Variants in NSD1 observed in about 807,000 individuals in gnomAD.
The protein encoded by NSD1 is histone-lysine N-methyltransferase, H3 lysine-36 specific.
Under a neutral mutation model 242.7 loss-of-function variants are expected in NSD1, and 26 were observed. That is an observed-to-expected ratio of 0.11 (90% CI 0.08 to 0.15). The LOEUF (loss-of-function observed/expected upper bound fraction) is 0.15, where lower values mean the gene tolerates loss of function less well. Among genes scored for constraint, NSD1 ranks in the 10% least tolerant of loss-of-function variants. The pLI is 1.00. For synonymous variants in NSD1, 1,106 were observed against 1,178.1 expected (o/e 0.94, Z 1.25); for missense variants, 2,495 against 3,272.8 (o/e 0.76, Z 5.80).
intron 8 of NSD1, among the ~76,000 whole-genome samples, chr5:177,240,146 G>T (rs1426893523): frequency 6.6e-6 from 1 of 152,048 alleles, no homozygotes; most frequent in Non-Finnish European, 1.5e-5. Flanking sequence ...TCTTTTCTGG[G>T]TTCAAATCCT....
chr5:177,276,317 T>C (rs1310418974), intron 17 of NSD1, among the ~76,000 whole-genome samples: 1 of 151,694 alleles, frequency 6.6e-6, no homozygotes, highest in African/African-American at 2.4e-5. Context: ...ACACTGCTTC[T>C]GAAGTCTTTT....
At chr5:177,286,435 G>A (rs1393007812) in intron 20 of NSD1, among the ~76,000 whole-genome samples, 1 of 152,112 alleles carries the variant, frequency 6.6e-6, no homozygotes, top group Non-Finnish European at 1.5e-5. Flanking sequence ...TTTGGAATGG[G>A]TGGTTTCAGA....
At chr5:177,243,140 CTAAT>C (rs1766014021) in intron 8 of NSD1, among the ~76,000 whole-genome samples, 1 of 152,172 alleles carries the variant, frequency 6.6e-6, no homozygotes, top group South Asian at 2.1e-4. Context: ...TCTGTCAAAT[CTAAT>C]AGCTGTGAAT....
chr5:177,258,016 T>G (rs1450714246), intron 13 of NSD1, among the ~76,000 whole-genome samples: 1 of 144,108 alleles, frequency 6.9e-6, no homozygotes, highest in Non-Finnish European at 1.5e-5. Context: ...GTTTCGCTTT[T>G]GTTGCCTGGG....
chr5:177,184,129 T>G (rs1248702855), intron 2 of NSD1, among the ~76,000 whole-genome samples: 2 of 152,238 alleles, frequency 1.3e-5, no homozygotes, highest in Non-Finnish European at 2.9e-5. Context: ...AATACTGATT[T>G]CCTTTTCTGT....
intron 5 of NSD1, among the ~76,000 whole-genome samples, chr5:177,226,219 G>A (rs1187919488): frequency 6.6e-6 from 1 of 152,148 alleles, no homozygotes; most frequent in Non-Finnish European, 1.5e-5. Flanking sequence ...GTTAATTTTT[G>A]TATTTTTGGT....
At chr5:177,235,444 G>A (rs1765369775) in intron 5 of NSD1, among the ~76,000 whole-genome samples, 1 of 152,120 alleles carries the variant, frequency 6.6e-6, no homozygotes, top group Non-Finnish European at 1.5e-5. Context: ...TACTTAGCCT[G>A]TAACTCAAGA....
intron 2 of NSD1, among the ~76,000 whole-genome samples, chr5:177,168,450 CTTTT>C (rs916381661): frequency 7.7e-6 from 1 of 130,230 alleles, no homozygotes. Flanking sequence ...TTGTTCATTG[CTTTT>C]TTTTTTTTTT....
rs1285434549 is a variant in NSD1 at position 177,299,172 on chromosome 5, TACAC to T, written c.*3721_*3724del. On this transcript the variant is annotated 3_prime_UTR_variant, in exon 23 of 23. Coordinates refer to ENST00000439151, the MANE Select transcript of NSD1 (RefSeq NM_022455.5). ...GAAATAAGAATAGATCATTGTTTTG[TACAC>T]ACACACAATAAAATGTAATGATGGT... is the stretch of plus-strand genomic sequence containing the variant. 1.3e-5 allele frequency: 3 copies of T among 233,136 alleles called. No homozygotes were observed. The highest frequency in any genetic ancestry group is 2.5e-5 in the Non-Finnish European group (3 of 118,048). The allele number at this position is 233,136 out of a possible 1,614,324, so 14.4% of individuals were successfully genotyped here.
chr5:177,167,066 T>G (rs1759266154), intron 2 of NSD1, among the ~76,000 whole-genome samples: 1 of 152,018 alleles, frequency 6.6e-6, no homozygotes, highest in African/African-American at 2.4e-5. Context: ...TTGAGTTACT[T>G]TTTATATATT....
chr5:177,292,306 T>C (rs1465019333), intron 22 of NSD1, 148 bp downstream of exon 22: 1 of 820,014 alleles, frequency 1.2e-6, no homozygotes, highest in African/African-American at 1.7e-5. Context: ...ATTTTGGAAA[T>C]AATGAAAGCA....
chr5:177,218,675 C>G (rs1763985816), intron 5 of NSD1, among the ~76,000 whole-genome samples: 1 of 151,704 alleles, frequency 6.6e-6, no homozygotes, highest in Non-Finnish European at 1.5e-5. Flanking sequence ...TGACGCCATT[C>G]TCCTGCCTCG....
intron 14 of NSD1, among the ~76,000 whole-genome samples, chr5:177,264,035 T>TC (rs1389992177): frequency 1.0e-5 from 1 of 97,426 alleles, no homozygotes; most frequent in Non-Finnish European, 2.2e-5. Context: ...CCAATTTTTT[T>TC]TTTTTTTTTT....
intron 2 of NSD1, among the ~76,000 whole-genome samples, chr5:177,138,090 CA>C (rs139439683): frequency 6.9e-6 from 1 of 144,114 alleles, no homozygotes; most frequent in South Asian, 2.4e-4. Context: ...AAAAAAACAA[CA>C]AAAAAACAAA....
rs1766114525 is a variant in NSD1 at position 177,244,355 on chromosome 5, G to A, written c.4378+85G>A. On this transcript the variant is annotated intron_variant, in intron 9 of 22. Transcript: ENST00000439151. ...GTTAACCACAAAAATTGTTACATGT[G>A]TAAGCCCGACCAGTGAGGTACAAGT... The A allele has an allele frequency of 7.2e-6, 7 of 978,796 alleles. No individual in the cohort carries two copies. In the Admixed American group the frequency reaches 1.3e-4, roughly 19 times the overall value. The allele number at this position is 978,796 out of a possible 1,614,324, so 60.6% of individuals were successfully genotyped here. A position where few individuals can be genotyped will look rare whatever the true frequency, so the allele number is the denominator to read the frequency against.
Position 177,298,794 on chromosome 5 carries a change from C to G in NSD1, c.*3335C>G, listed in dbSNP as rs995319050. The stretch of plus-strand genomic sequence containing the variant: ...AGAATGGCAGAAAGTTTAGTCCTGA[C>G]AGATTCCCCCATAGGGAGTAATGAG... On this transcript the variant is annotated 3_prime_UTR_variant, in exon 23 of 23. Transcript: ENST00000439151. 7 of 233,112 alleles carry G rather than the reference C, an allele frequency of 3.0e-5. No homozygotes were observed. The highest frequency in any genetic ancestry group is 5.1e-5 in the Non-Finnish European group (6 of 118,012). The allele number at this position is 233,112 out of a possible 1,614,324, so 14.4% of individuals were successfully genotyped here.
chr5:177,137,989 C>T (rs909153866), intron 2 of NSD1, among the ~76,000 whole-genome samples: 2 of 151,534 alleles, frequency 1.3e-5, no homozygotes, highest in African/African-American at 4.8e-5. Flanking sequence ...GCAGGAGAAT[C>T]GCTTGAACCC....
In NSD1 at chr5:177,299,774, G is replaced by A. The variant is rs1418396674; in HGVS notation, c.*4315G>A. ...TCCTGGAAGTTCAGCAAAGTTTCGT[G>A]GACAAGACATGGGCACAGAGAGTAG... On this transcript the variant is annotated 3_prime_UTR_variant, in exon 23 of 23. Coordinates refer to ENST00000439151, the MANE Select transcript of NSD1 (RefSeq NM_022455.5). 2.1e-5 allele frequency: 5 copies of A among 233,164 alleles called. No homozygotes were observed. Among genetic ancestry groups the A allele is most frequent in the Non-Finnish European group, 4.2e-5 (5 of 118,084 alleles). The allele number at this position is 233,164 out of a possible 1,614,324, so 14.4% of individuals were successfully genotyped here. A position where few individuals can be genotyped will look rare whatever the true frequency, so the allele number is the denominator to read the frequency against.
At position 177,294,064 on chromosome 5, in the gene NSD1, A is replaced by G; in HGVS notation, c.6696A>G (p.Pro2232=). 6.2e-7 allele frequency: 1 copy of G among 1,614,050 alleles called. No individual in the cohort carries two copies. Among genetic ancestry groups the G allele is most frequent in the Non-Finnish European group, 8.5e-7 (1 of 1,180,022 alleles). ...VPPPVPLPPG[P]STHLAEQSTG... ...CCCCAGTACCGCTGCCTCCAGGGCC[A>G]AGCACTCACCTGGCAGAGCAATCAA... is the stretch of plus-strand genomic sequence containing the variant. Residue 2232 remains proline, a synonymous_variant, in exon 23 of 23, where the codon CCA becomes CCG. Coordinates refer to ENST00000439151, the MANE Select transcript of NSD1 (RefSeq NM_022455.5).
Sources: gnomAD v4.1 joint callset for allele counts (sites outside exome capture counted in the v4.1 genomes callset) on GRCh38, gnomAD v4.1.1 for gene constraint, MANE v1.5 for transcripts, NCBI Gene and HGNC (gene_info 2026-07-23, HGNC 2026-07-21) for gene names.